ITGB5: variants seen among roughly 807,000 people sequenced by gnomAD.
ITGB5 encodes integrin subunit beta 5.
A neutral mutation model predicts 84.8 loss-of-function variants in ITGB5; 38 were observed. The observed-to-expected ratio is 0.45, with a 90% CI of 0.35 to 0.59. ITGB5 has a LOEUF of 0.59. Among genes scored for constraint, ITGB5 ranks in the 20% least tolerant of loss-of-function variants. ITGB5 has a pLI of 0.01. For synonymous variants in ITGB5, 393 were observed against 414.4 expected, an observed-to-expected ratio of 0.95 and a Z score of 0.63; for missense variants, 905 against 1,034.5, an observed-to-expected ratio of 0.87 and a Z score of 1.72.
At chr3:124,882,417 G>A (rs1250923526) in intron 1 of ITGB5, among the ~76,000 whole-genome samples, 1 of 152,212 alleles carries the variant, frequency 6.6e-6, no homozygotes, top group Non-Finnish European at 1.5e-5. Flanking sequence ...GGCTGAGCAG[G>A]AGATGCTAGA....
upstream of ITGB5, among the ~76,000 whole-genome samples, chr3:124,891,862 T>C (rs1430464734): frequency 6.6e-6 from 1 of 151,656 alleles, no homozygotes; most frequent in African/African-American, 2.4e-5. Flanking sequence ...GAGGCTGCCA[T>C]GAGCCATGAT....
chr3:124,900,803 A>C (rs1041593358), intron 1 of ITGB5, among the ~76,000 whole-genome samples: 2 of 152,114 alleles, frequency 1.3e-5, no homozygotes, highest in African/African-American at 4.8e-5. Flanking sequence ...ATGAAAATGG[A>C]TTTATCTCCT....
At chr3:124,900,455 C>G (rs1473859336) in intron 1 of ITGB5, among the ~76,000 whole-genome samples, 2 of 152,196 alleles carry the variant, frequency 1.3e-5, no homozygotes, top group Non-Finnish European at 2.9e-5. Context: ...CTGGAAGTAG[C>G]AGAGAATTTC....
chr3:124,831,175 C>G (rs2064855127), intron 5 of ITGB5, among the ~76,000 whole-genome samples: 1 of 152,166 alleles, frequency 6.6e-6, no homozygotes, highest in African/African-American at 2.4e-5. Flanking sequence ...GGATGTGGTT[C>G]CCATGCCCGG....
In ITGB5 at chr3:124,796,513, C is replaced by T. The variant is rs990404433; in HGVS notation, c.1568G>A (p.Ser523Asn). Reference protein sequence around the residue: ...CREAEGKPLCSGRGDCSCNQC... With the variant: ...CREAEGKPLCNGRGDCSCNQC... Reference sequence around the variant, plus strand: ...GTTGCAGCTGCAGTCCCCACGCCCGCTGCACAGTGGCTTGCCCTCTGCCTC... The same window carrying T: ...GTTGCAGCTGCAGTCCCCACGCCCGTTGCACAGTGGCTTGCCCTCTGCCTC... Residue 523 changes from serine to asparagine, a missense_variant, in exon 10 of 15, where the codon AGC (serine) becomes AAC (asparagine). By Grantham distance (46) the Ser-to-Asn change is conservative. This residue lies in a region of ITGB5 where 656 missense variants were observed against 734.7 expected (regional missense o/e 0.89). Transcript: ENST00000296181. The T allele has an allele frequency of 3.1e-6, 5 of 1,614,086 alleles. No homozygotes were observed. The African/African-American group carries it at 5.3e-5, about 17-fold the overall frequency.
At chr3:124,882,798 G>A (rs1014328017) in intron 1 of ITGB5, among the ~76,000 whole-genome samples, 1 of 152,192 alleles carries the variant, frequency 6.6e-6, no homozygotes, top group African/African-American at 2.4e-5. Context: ...GGCTGGAGTT[G>A]GGGAGGGAAT....
intron 3 of ITGB5, among the ~76,000 whole-genome samples, chr3:124,853,995 C>T (rs1021305575): frequency 2.6e-5 from 4 of 152,132 alleles, no homozygotes; most frequent in Non-Finnish European, 4.4e-5. Context: ...TAGCTTTTGA[C>T]GGTTCTCAAT....
Position 124,796,399 on chromosome 3 carries a change from A to C in ITGB5, c.1682T>G (p.Val561Gly), listed in dbSNP as rs1197970932. 5.6e-6 allele frequency: 9 copies of C among 1,609,322 alleles called. No individual in the cohort carries two copies. Among genetic ancestry groups the C allele is most frequent in the Non-Finnish European group, 7.6e-6 (9 of 1,177,020 alleles). Residue 561 changes from valine (V) to glycine (G), a missense_variant, in exon 10 of 15, where the codon GTC (valine) becomes GGC (glycine). Val to Gly is a moderately radical substitution (Grantham distance 109). This residue lies in a region of ITGB5 where 656 missense variants were observed against 734.7 expected (regional missense o/e 0.89). Coordinates refer to ENST00000296181, the MANE Select transcript of ITGB5 (RefSeq NM_002213.5). ...DNFSCARNKG[V>G]LCSGHGECHC... Reference sequence around the variant, plus strand: ...CTGGGGACACTTACCTGAGCAGAGGACTCCCTTGTTCCTGGCACAGGAGAA... The same window carrying C: ...CTGGGGACACTTACCTGAGCAGAGGCCTCCCTTGTTCCTGGCACAGGAGAA...
intron 5 of ITGB5, among the ~76,000 whole-genome samples, chr3:124,831,431 G>GCA (rs2064858676): frequency 6.6e-6 from 1 of 152,112 alleles, no homozygotes; most frequent in Non-Finnish European, 1.5e-5. Flanking sequence ...ACTTATTTAC[G>GCA]CAAATGGACA....
At chr3:124,859,551 C>A in intron 2 of ITGB5, 105 bp from the exon 3 acceptor site, 1 of 803,450 alleles carries the variant, frequency 1.2e-6, no homozygotes, top group Non-Finnish European at 2.0e-6. Context: ...AAATTCTCTA[C>A]TTTCCATTTT....
rs201812130 is a variant in ITGB5, at chr3:124,796,735, A to T, written c.1346T>A (p.Phe449Tyr). 2 of 1,614,106 alleles carry T rather than the reference A, an allele frequency of 1.2e-6. No homozygotes were observed. Among genetic ancestry groups the T allele is most frequent in the Non-Finnish European group, 1.7e-6 (2 of 1,180,038 alleles). ...EHVFALRPVG[F>Y]RDSLEVGVTY... ...GACCCCCACCTCCAGGCTGTCCCGG[A>T]ATCCCACCGGCCGCAGGGCAAACAC... The change falls in exon 10 of 15, where the codon TTC becomes TAC. Residue 449 changes from phenylalanine to tyrosine, a missense_variant. By Grantham distance (22) the Phe-to-Tyr change is conservative. Around this residue, in one of 3 missense-constraint regions of ITGB5, gnomAD observed 656 missense variants for 734.7 expected, o/e 0.89. Coordinates refer to ENST00000296181, the MANE Select transcript of ITGB5 (RefSeq NM_002213.5).
In ITGB5 at chr3:124,821,400, C is replaced by G. The variant is rs2064701958; in HGVS notation, c.855G>C (p.Leu285Phe). The G allele has an allele frequency of 6.2e-7, 1 of 1,614,242 alleles. No individual in the cohort carries two copies. Among genetic ancestry groups the G allele is most frequent in the Non-Finnish European group, 8.5e-7 (1 of 1,180,034 alleles). ...FTTDDVPHIALDGKLGGLVQP... is the reference protein window; with the variant it reads ...FTTDDVPHIAFDGKLGGLVQP... ...GCACCAGGCCTCCCAATTTTCCATC[C>G]AATGCGATGTGGGGCACATCATCTG... Residue 285 changes from leucine to phenylalanine, a missense_variant, in exon 6 of 15, where the codon TTG becomes TTC. Coordinates refer to ENST00000296181, the MANE Select transcript of ITGB5 (RefSeq NM_002213.5).
intron 1 of ITGB5, among the ~76,000 whole-genome samples, chr3:124,874,306 G>GAAAAAAAA (rs59287818): frequency 1.6e-4 from 18 of 113,326 alleles, no homozygotes; most frequent in East Asian, 2.7e-4. Context: ...TCAAAAGCCG[G>GAAAAAAAA]AAAAAAAAAA....
chr3:124,809,049 C>A lies in ITGB5; in HGVS notation c.1236G>T (p.Lys412Asn), dbSNP rs1195585586. 1.2e-6 allele frequency: 2 copies of A among 1,614,158 alleles called. No homozygotes were observed. Among genetic ancestry groups the A allele is most frequent in the Middle Eastern group, 1.6e-4 (1 of 6,062 alleles). ...QDGVSYPGQR[K>N]CEGLKIGDTA... Reference sequence around the variant, plus strand: ...TGTCCCCAATCTTCAGACCCTCACACTTCCTCTGACCAGGATAGGATACCC... The same window carrying A: ...TGTCCCCAATCTTCAGACCCTCACAATTCCTCTGACCAGGATAGGATACCC... Residue 412 changes from lysine (K) to asparagine (N), a missense_variant, in exon 9 of 15, where the codon AAG (lysine) becomes AAT (asparagine). Physicochemically the swap from Lys to Asn is moderately conservative, Grantham distance 94 (BLOSUM62 0). Coordinates refer to ENST00000296181, the MANE Select transcript of ITGB5 (RefSeq NM_002213.5).
At chr3:124,786,473 G>A (rs995912849) in intron 10 of ITGB5, among the ~76,000 whole-genome samples, 26 of 152,174 alleles carry the variant, frequency 1.7e-4, no homozygotes, top group Admixed American at 2.6e-4. Context: ...ACTTCATGAC[G>A]TCAAATAACA....
intron 1 of ITGB5, among the ~76,000 whole-genome samples, chr3:124,878,444 T>A (rs1216484800): frequency 6.6e-6 from 1 of 152,252 alleles, no homozygotes; most frequent in East Asian, 1.9e-4. Flanking sequence ...TATTAAATAT[T>A]CACATGGAAA....
Position 124,814,480 on chromosome 3 carries a change from A to T in ITGB5, c.1128+3141T>A, listed in dbSNP as rs1451064264. On this transcript the variant is annotated intron_variant, in intron 8 of 14. Coordinates refer to ENST00000296181, the MANE Select transcript of ITGB5 (RefSeq NM_002213.5). ...GGCTTTACAATTCTTTTCCAATTTA[A>T]AAAAAAAAAAAAAAGAGACAGAGTC... 2.0e-5 allele frequency among the ~76,000 whole-genome samples: 2 copies of T among 98,622 alleles called. 1 individual carries two copies. Among genetic ancestry groups the T allele is most frequent in the Admixed American group, 2.5e-4 (2 of 7,982 alleles). The allele number at this position is 98,622 out of a possible 152,430, so 64.7% of individuals were successfully genotyped here.
At chr3:124,880,987 T>C in intron 1 of ITGB5, among the ~76,000 whole-genome samples, 1 of 151,138 alleles carries the variant, frequency 6.6e-6, no homozygotes, top group African/African-American at 2.4e-5. Context: ...TAAAAGTTTG[T>C]TTGTTTGTTT....
At chr3:124,769,252 T>G in intron 11 of ITGB5, 139 bp from the exon 12 acceptor site, 1 of 650,158 alleles carries the variant, frequency 1.5e-6, no homozygotes, top group Non-Finnish European at 2.6e-6. Context: ...AGGGAATGTT[T>G]CTGCTCTGCC....
Sources: gnomAD v4.1 joint callset for allele counts (sites outside exome capture counted in the v4.1 genomes callset) on GRCh38, gnomAD v4.1.1 for gene constraint, gnomAD v4.1.1 regional missense constraint, MANE v1.5 for transcripts, NCBI Gene and HGNC (gene_info 2026-07-23, HGNC 2026-07-21) for gene names.